STPG2: variants seen among roughly 807,000 people sequenced by gnomAD.
STPG2 encodes the protein sperm tail PG-rich repeat containing 2.
STPG2 carries 56 observed loss-of-function variants against 54.2 expected under a neutral mutation model. The observed-to-expected ratio is 1.03, with a 90% confidence interval of 0.83 to 1.29. The LOEUF (loss-of-function observed/expected upper bound fraction) is 1.29. STPG2 is among the 50% of genes most tolerant of loss of function. STPG2 has a pLI of 0.00. For synonymous variants in STPG2, 200 were observed against 181.8 expected (o/e 1.10, Z -0.81); for missense variants, 596 against 544.9 (o/e 1.09, Z -0.93).
At chr4:97,678,860 G>A (rs1167872530) in intron 10 of STPG2, among the ~76,000 whole-genome samples, 1 of 147,600 alleles carries the variant, frequency 6.8e-6, no homozygotes, top group African/African-American at 2.5e-5. Flanking sequence ...CCACCTATGA[G>A]TGAGAATATG....
intron 5 of STPG2, among the ~76,000 whole-genome samples, chr4:98,075,079 T>G (rs1378258089): frequency 2.6e-5 from 4 of 152,236 alleles, no homozygotes; most frequent in Admixed American, 2.6e-4. Context: ...ATCTTTGTGA[T>G]TGCTGATGTA....
intron 4 of STPG2, among the ~76,000 whole-genome samples, chr4:97,523,579 A>T (rs1343355883): frequency 6.6e-6 from 1 of 151,968 alleles, no homozygotes; most frequent in African/African-American, 2.4e-5. Flanking sequence ...ATGAGTGTTT[A>T]TTAGAAAAAA....
chr4:98,127,313 A>T (rs2167893), intron 3 of STPG2, among the ~76,000 whole-genome samples: 100,431 of 151,932 alleles, frequency 0.66, 34,469 homozygotes, highest in African/African-American at 0.87. Flanking sequence ...GTTTGAAATA[A>T]GTTACAATTA....
Position 97,495,352 on chromosome 4 carries a change from G to T in STPG2, c.462+217347C>A, listed in dbSNP as rs1340495329. 2.0e-5 allele frequency among the ~76,000 whole-genome samples: 3 copies of T among 151,090 alleles called. No homozygotes were observed. In the East Asian group the frequency reaches 5.9e-4, roughly 29 times the overall value. ...TAAAACCTAATATCTAAAAACACAA[G>T]ACATCAGTTTGTAATGCTCAAATAT... On this transcript the variant is annotated intron_variant, in intron 4 of 4. Transcript: ENST00000522676.
At chr4:98,111,237 C>T (rs991227204) in intron 3 of STPG2, among the ~76,000 whole-genome samples, 1 of 151,992 alleles carries the variant, frequency 6.6e-6, no homozygotes, top group Non-Finnish European at 1.5e-5. Context: ...AGAGTCTCAG[C>T]TGAACCCTCT....
intron 9 of STPG2, among the ~76,000 whole-genome samples, chr4:97,734,163 G>A (rs149727173): frequency 1.4e-4 from 21 of 152,150 alleles, no homozygotes; most frequent in Admixed American, 1.2e-3. Context: ...GGCCTTTACT[G>A]TATTAAGGAA....
At chr4:97,457,045 T>C (rs74862722) in intron 4 of STPG2, among the ~76,000 whole-genome samples, 6,286 of 151,632 alleles carry the variant, frequency 0.041, 336 homozygotes, top group African/African-American at 0.13. Context: ...ATGAAAACAA[T>C]AGTGAGATAC....
At chr4:97,641,457 T>C (rs2148945636) in intron 10 of STPG2, among the ~76,000 whole-genome samples, 1 of 151,660 alleles carries the variant, frequency 6.6e-6, no homozygotes, top group African/African-American at 2.4e-5. Flanking sequence ...CACACAGACA[T>C]ATATGAACAT....
chr4:97,672,615 A>G, intron 10 of STPG2, among the ~76,000 whole-genome samples: 1 of 152,202 alleles, frequency 6.6e-6, no homozygotes, highest in South Asian at 2.1e-4. Flanking sequence ...ATCCACAAAT[A>G]GCTATGACAT....
At chr4:97,591,717 A>AT (rs1423879802) in intron 10 of STPG2, among the ~76,000 whole-genome samples, 1 of 152,172 alleles carries the variant, frequency 6.6e-6, no homozygotes, top group Admixed American at 6.5e-5. Flanking sequence ...TTGCATCAAT[A>AT]TCCAAATCAT....
chr4:97,833,090 A>C (rs1453872239), intron 9 of STPG2, among the ~76,000 whole-genome samples: 1 of 152,232 alleles, frequency 6.6e-6, no homozygotes, highest in Non-Finnish European at 1.5e-5. Context: ...TGGAGGCATC[A>C]GGCTACCTGA....
At chr4:97,972,952 T>A (rs1734384254) in intron 6 of STPG2, among the ~76,000 whole-genome samples, 1 of 152,168 alleles carries the variant, frequency 6.6e-6, no homozygotes, top group South Asian at 2.1e-4. Flanking sequence ...TGCCCACTCT[T>A]GGGTATGTCT....
At chr4:97,925,526 T>G (rs550690764) in intron 8 of STPG2, among the ~76,000 whole-genome samples, 3 of 152,198 alleles carry the variant, frequency 2.0e-5, no homozygotes, top group African/African-American at 7.2e-5. Context: ...GTAAGAAAAT[T>G]TATTATAATG....
intron 4 of STPG2, among the ~76,000 whole-genome samples, chr4:97,495,710 CA>C (rs35288994): frequency 0.79 from 93,539 of 117,900 alleles, 35,431 homozygotes; most frequent in African/African-American, 0.87. Context: ...ATGGTCAAGA[CA>C]AAAAAAAAAA....
chr4:97,950,591 A>G (rs968697250), intron 7 of STPG2, among the ~76,000 whole-genome samples: 6 of 152,100 alleles, frequency 3.9e-5, no homozygotes, highest in Non-Finnish European at 5.9e-5. Flanking sequence ...GGTATTTCCA[A>G]GATTTCATCT....
rs3046464 is a variant in STPG2 at position 97,576,485 on chromosome 4, A to AAT, written c.1321-17370_1321-17369dup. On this transcript the variant is annotated intron_variant, in intron 10 of 10. Coordinates refer to ENST00000295268, the MANE Select transcript of STPG2 (RefSeq NM_174952.3). ...CACACACTTAGACAAAGTTGACAAA[A>AAT]ATAAGCAATGGGGAAAGGACTCCCT... Among the ~76,000 whole-genome samples, 570 of 152,112 alleles carry AAT rather than the reference A, an allele frequency of 3.7e-3. 4 individuals are homozygous for AAT. The highest frequency in any genetic ancestry group is 0.013 in the African/African-American group (559 of 41,524).
intron 10 of STPG2, chr4:97,572,808 G>T (rs1031341734): frequency 6.6e-6 from 1 of 152,046 alleles, no homozygotes; most frequent in African/African-American, 2.4e-5. Flanking sequence ...GGATGTCAAG[G>T]TTTTGTGAAA....
chr4:97,504,089 TTTAATATTTAATAAATAAA>T (rs1218969480), intron 4 of STPG2, among the ~76,000 whole-genome samples: 1 of 145,710 alleles, frequency 6.9e-6, no homozygotes, highest in Non-Finnish European at 1.5e-5. Flanking sequence ...ATTTATTTTA[TTTAATATTTAATAAATAAA>T]TAAATATTTA....
intron 4 of STPG2, among the ~76,000 whole-genome samples, chr4:97,504,077 ATATT>A (rs1730793644): frequency 7.0e-6 from 1 of 142,558 alleles, no homozygotes; most frequent in African/African-American, 2.5e-5. Flanking sequence ...TTTTATTTAA[ATATT>A]TATTTTATTT....
Sources: allele counts gnomAD v4.1 joint callset (sites outside exome capture counted in the v4.1 genomes callset), GRCh38; gene constraint gnomAD v4.1.1; transcripts MANE v1.5; gene names NCBI Gene and HGNC (gene_info 2026-07-23, HGNC 2026-07-21).